Variants in GRID1 observed in about 807,000 individuals in gnomAD.
GRID1 encodes the protein glutamate receptor ionotropic, delta-1.
Under a neutral mutation model 98.0 loss-of-function variants are expected in GRID1, and 28 were observed. That is an observed-to-expected ratio of 0.29 (90% CI 0.21 to 0.39). The LOEUF (loss-of-function observed/expected upper bound fraction) is 0.39. Ranked by LOEUF, GRID1 falls within the 10% of genes least tolerant of loss-of-function variation. GRID1 has a pLI of 1.00. For missense variants in GRID1, 1,111 were observed against 1,340.5 expected, an observed-to-expected ratio of 0.83 and a Z score of 2.67; for synonymous variants, 553 against 538.5, an observed-to-expected ratio of 1.03 and a Z score of -0.37.
chr10:86,152,173 A>C (rs1237728242), intron 3 of GRID1, among the ~76,000 whole-genome samples: 1 of 152,230 alleles, frequency 6.6e-6, no homozygotes, highest in African/African-American at 2.4e-5. Context: ...CATTTTCTGC[A>C]TGGACAAGAG....
At chr10:85,889,390 G>A (rs1374848784) in intron 5 of GRID1, among the ~76,000 whole-genome samples, 2 of 152,028 alleles carry the variant, frequency 1.3e-5, no homozygotes, top group African/African-American at 2.4e-5. Flanking sequence ...CTACTTCTAC[G>A]AGATCAATAT....
At chr10:85,803,097 G>A (rs1842592271) in intron 8 of GRID1, among the ~76,000 whole-genome samples, 1 of 152,108 alleles carries the variant, frequency 6.6e-6, no homozygotes, top group Non-Finnish European at 1.5e-5. Flanking sequence ...TGGAGGGTAA[G>A]TGGAAGGTGG....
intron 4 of GRID1, among the ~76,000 whole-genome samples, chr10:86,086,529 G>A (rs1844059450): frequency 6.6e-6 from 1 of 152,158 alleles, no homozygotes; most frequent in African/African-American, 2.4e-5. Flanking sequence ...GACAGGGCTG[G>A]GACTCAAAGC....
At chr10:86,276,567 A>G (rs2132065053) in intron 2 of GRID1, among the ~76,000 whole-genome samples, 1 of 151,832 alleles carries the variant, frequency 6.6e-6, no homozygotes, top group African/African-American at 2.4e-5. Context: ...CAGTGGCACA[A>G]TCTTAGCTCA....
chr10:85,669,207 C>T lies in GRID1; in HGVS notation c.1998-21810G>A, dbSNP rs117799974. ...CGTCTTCTCTGTTGATTCCACCAAG[C>T]CCACTCCAAATGGGCAGTGGGTTAA... On this transcript the variant is annotated intron_variant, in intron 12 of 15. Transcript: ENST00000327946. Among the ~76,000 whole-genome samples the T allele has an allele frequency of 2.4e-3, 371 of 152,302 alleles. 2 individuals are homozygous for T. Among genetic ancestry groups the T allele is most frequent in the Middle Eastern group, 0.014 (4 of 294 alleles).
At chr10:85,933,836 C>G (rs1016600313) in intron 4 of GRID1, among the ~76,000 whole-genome samples, 1 of 152,264 alleles carries the variant, frequency 6.6e-6, no homozygotes, top group Non-Finnish European at 1.5e-5. Flanking sequence ...ATTATATCAA[C>G]AGGATGTGCA....
intron 2 of GRID1, among the ~76,000 whole-genome samples, chr10:86,209,405 T>A (rs11201943): frequency 0.045 from 6,807 of 152,276 alleles, 232 homozygotes; most frequent in Admixed American, 0.086. Context: ...AGAGTAGGTA[T>A]CATTGCATCC....
chr10:85,712,218 CATA>C (rs1282878542), intron 12 of GRID1, among the ~76,000 whole-genome samples: 2 of 151,586 alleles, frequency 1.3e-5, no homozygotes, highest in East Asian at 3.9e-4. Context: ...TAGAGATTAG[CATA>C]ATGATTTAAA....
chr10:85,654,683 C>T (rs1248688185), intron 12 of GRID1, among the ~76,000 whole-genome samples: 1 of 152,106 alleles, frequency 6.6e-6, no homozygotes, highest in Non-Finnish European at 1.5e-5. Flanking sequence ...ATCTTCAGTC[C>T]CTACAGCAAG....
chr10:86,228,274 T>TGAATGGGGGTGGC, intron 2 of GRID1, among the ~76,000 whole-genome samples: 1 of 58,690 alleles, frequency 1.7e-5, no homozygotes, highest in African/African-American at 6.8e-5. Context: ...GATGGTGTGG[T>TGAATGGGGGTGGC]GAGGAGTGAA....
intron 5 of GRID1, among the ~76,000 whole-genome samples, chr10:85,877,130 A>G (rs992410236): frequency 6.6e-6 from 1 of 152,252 alleles, no homozygotes; most frequent in African/African-American, 2.4e-5. Context: ...GGAGCCCACC[A>G]CAGCTCAGGG....
At chr10:86,337,480 G>A (rs1296739306) in intron 2 of GRID1, among the ~76,000 whole-genome samples, 1 of 152,160 alleles carries the variant, frequency 6.6e-6, no homozygotes, top group East Asian at 1.9e-4. Flanking sequence ...CACTCGGGGA[G>A]GCACTGACCC....
In GRID1 at chr10:85,689,553, G is replaced by C. The variant is rs372395721; in HGVS notation, c.1997+33450C>G. On this transcript the variant is annotated intron_variant, in intron 12 of 15. Transcript: ENST00000327946. The stretch of plus-strand genomic sequence containing the variant: ...GCTGATATACATGCAAACAACTATA[G>C]TAAATATTATTAAACAAAGCTATAA... Among the ~76,000 whole-genome samples, 4 of 151,776 alleles carry C rather than the reference G, an allele frequency of 2.6e-5. No homozygotes were observed. In the East Asian group the frequency reaches 7.7e-4, roughly 29 times the overall value.
intron 15 of GRID1, among the ~76,000 whole-genome samples, chr10:85,610,651 G>A (rs1842722141): frequency 6.6e-6 from 1 of 152,172 alleles, no homozygotes; most frequent in South Asian, 2.1e-4. Context: ...GATCACTGCA[G>A]TACAGCCTGC....
rs551499998 is a variant in GRID1 at position 86,294,949 on chromosome 10, C to T, written c.235+68992G>A. Among the ~76,000 whole-genome samples the T allele has an allele frequency of 3.9e-5, 6 of 152,206 alleles. No homozygotes were observed. The East Asian group carries it at 5.8e-4, about 15-fold the overall frequency. On this transcript the variant is annotated intron_variant, in intron 2 of 15. Transcript: ENST00000327946. Reference sequence around the variant, plus strand: ...AGGAGGGAGGCTGCAGTCCTGAGCCCGGGGAACAGTGGGGGCGGGACAGGT... The same window carrying T: ...AGGAGGGAGGCTGCAGTCCTGAGCCTGGGGAACAGTGGGGGCGGGACAGGT...
chr10:85,793,863 G>A (rs1278145867), intron 8 of GRID1, among the ~76,000 whole-genome samples: 1 of 152,122 alleles, frequency 6.6e-6, no homozygotes, highest in African/African-American at 2.4e-5. Flanking sequence ...ATAGTCCTGG[G>A]TCCTACCAGG....
At chr10:86,189,921 C>G (rs1845777128) in intron 3 of GRID1, among the ~76,000 whole-genome samples, 1 of 152,164 alleles carries the variant, frequency 6.6e-6, no homozygotes, top group Non-Finnish European at 1.5e-5. Context: ...TGCCTGAAAA[C>G]TCACCTAACC....
chr10:86,210,466 G>A (rs1046310494), intron 2 of GRID1, among the ~76,000 whole-genome samples: 1 of 152,220 alleles, frequency 6.6e-6, no homozygotes, highest in Admixed American at 6.5e-5. Context: ...GATAGCAAGT[G>A]CCAATGCCTC....
chr10:86,189,837 T>A (rs921274009), intron 3 of GRID1, among the ~76,000 whole-genome samples: 1 of 152,146 alleles, frequency 6.6e-6, no homozygotes, highest in African/African-American at 2.4e-5. Context: ...AGGAGGCTCT[T>A]GTGCCCACTA....
Sources: gnomAD v4.1 joint callset for allele counts (sites outside exome capture counted in the v4.1 genomes callset) on GRCh38, gnomAD v4.1.1 for gene constraint, MANE v1.5 for transcripts, NCBI Gene and HGNC (gene_info 2026-07-23, HGNC 2026-07-21) for gene names.